Variants in WIPI2 observed in about 807,000 individuals in gnomAD.
WIPI2 encodes WD repeat domain, phosphoinositide interacting 2, also known as WD repeat domain phosphoinositide-interacting protein 2.
Under a neutral mutation model 52.3 loss-of-function variants are expected in WIPI2, and 28 were observed. The observed-to-expected ratio is 0.54, with a 90% CI of 0.40 to 0.73. WIPI2 has a LOEUF of 0.73. WIPI2 is among the 30% of genes least tolerant of loss of function. The pLI is 0.00. For missense variants in WIPI2, 506 were observed against 602.9 expected (o/e 0.84, Z 1.68); for synonymous variants, 268 against 245.0 (o/e 1.09, Z -0.88).
At chr7:5,193,547 T>G (rs1162553798) in intron 2 of WIPI2, among the ~76,000 whole-genome samples, 1 of 152,218 alleles carries the variant, frequency 6.6e-6, no homozygotes, top group Non-Finnish European at 1.5e-5. Flanking sequence ...CTCTCCTCTC[T>G]TTGTTCATCT....
intron 2 of WIPI2, among the ~76,000 whole-genome samples, chr7:5,195,022 C>G (rs1781675880): frequency 6.6e-6 from 1 of 152,136 alleles, no homozygotes; most frequent in South Asian, 2.1e-4. Context: ...AGCAGTGACT[C>G]TGTCCTTCCC....
intron 2 of WIPI2, among the ~76,000 whole-genome samples, chr7:5,196,697 G>T (rs925630118): frequency 7.2e-5 from 11 of 152,144 alleles, no homozygotes; most frequent in Non-Finnish European, 1.5e-4. Flanking sequence ...AATAAGCTTG[G>T]TGATTTGGTT....
chr7:5,202,658 T>G (rs1782086310), intron 3 of WIPI2, among the ~76,000 whole-genome samples: 1 of 152,218 alleles, frequency 6.6e-6, no homozygotes, highest in South Asian at 2.1e-4. Context: ...AGTGCTGGGA[T>G]TATAGGCGTG....
chr7:5,219,916 A>G (rs1162427704), intron 7 of WIPI2, among the ~76,000 whole-genome samples: 2 of 149,790 alleles, frequency 1.3e-5, no homozygotes, highest in Non-Finnish European at 3.0e-5. Flanking sequence ...GCTCTATGCA[A>G]CCTCCATCTC....
At chr7:5,225,102 T>C (rs1272655776) in intron 8 of WIPI2, among the ~76,000 whole-genome samples, 1 of 151,834 alleles carries the variant, frequency 6.6e-6, no homozygotes, top group Admixed American at 6.6e-5. Context: ...TAAGACACAC[T>C]GGAGCCACTT....
chr7:5,199,731 A>G (rs746855535), intron 3 of WIPI2, 73 bp downstream of exon 3: 13 of 1,416,638 alleles, frequency 9.2e-6, no homozygotes, highest in Non-Finnish European at 1.3e-5. Flanking sequence ...AATGCGATCT[A>G]AAATTCAGAC....
intron 8 of WIPI2, 65 bp downstream of exon 8, chr7:5,222,737 C>T: frequency 6.7e-7 from 1 of 1,485,168 alleles, no homozygotes; most frequent in Non-Finnish European, 9.4e-7. Flanking sequence ...TTTATGTTAT[C>T]TATGAACAAA....
chr7:5,205,592 C>T (rs1282769713), intron 3 of WIPI2, among the ~76,000 whole-genome samples: 1 of 152,162 alleles, frequency 6.6e-6, no homozygotes, highest in Non-Finnish European at 1.5e-5. Flanking sequence ...GCAACCTCCA[C>T]CTCCCGAGTT....
intron 11 of WIPI2, among the ~76,000 whole-genome samples, chr7:5,228,915 G>T (rs1261112429): frequency 6.6e-6 from 1 of 151,886 alleles, no homozygotes; most frequent in East Asian, 1.9e-4. Context: ...GCAGGGTCTT[G>T]CTAGGTTGTC....
chr7:5,220,822 GTC>G (rs1339330033), intron 7 of WIPI2, among the ~76,000 whole-genome samples: 2 of 151,602 alleles, frequency 1.3e-5, no homozygotes, highest in African/African-American at 4.9e-5. Flanking sequence ...TTGAGACAGA[GTC>G]TCTCTGTAGC....
chr7:5,200,498 C>T (rs1019550118), intron 3 of WIPI2, among the ~76,000 whole-genome samples: 1 of 152,138 alleles, frequency 6.6e-6, no homozygotes, highest in African/African-American at 2.4e-5. Context: ...CTCCTGAGCA[C>T]ACTCTCCAGT....
At chr7:5,204,639 G>A (rs145017274) in intron 3 of WIPI2, among the ~76,000 whole-genome samples, 47 of 152,200 alleles carry the variant, frequency 3.1e-4, no homozygotes, top group African/African-American at 1.1e-3. Flanking sequence ...AGAACTTAAT[G>A]TCACTGCGAA....
Position 5,214,260 on chromosome 7 carries a change from A to C in WIPI2, c.212-275A>C. 2.1e-6 allele frequency: 3 copies of C among 1,398,904 alleles called. No individual in the cohort carries two copies. In the South Asian group the frequency reaches 4.3e-5, roughly 20 times the overall value. The allele number at this position is 1,398,904 out of a possible 1,614,324, so 86.7% of individuals were successfully genotyped here. On this transcript the variant is annotated intron_variant, in intron 3 of 12. Transcript: ENST00000288828. The stretch of plus-strand genomic sequence containing the variant: ...GTTTGGTTCCTAAACTCACCATTCA[A>C]ATCCAGCAACAGAACTGACTGAAAG...
rs983995467 is a variant in WIPI2, at chr7:5,232,447, A to G, written c.*1500A>G. 8 of 397,598 alleles carry G rather than the reference A, an allele frequency of 2.0e-5. No individual in the cohort carries two copies. Among genetic ancestry groups the G allele is most frequent in the South Asian group, 2.8e-4 (2 of 7,068 alleles). The allele number at this position is 397,598 out of a possible 1,614,324, so 24.6% of individuals were successfully genotyped here. ...TTCCTCCCAGCCGCTGGTGTGCGGCACACACAACATCTGCATTAGGCAGAG... is the reference window on the plus strand; with the variant it reads ...TTCCTCCCAGCCGCTGGTGTGCGGCGCACACAACATCTGCATTAGGCAGAG... On this transcript the variant is annotated 3_prime_UTR_variant, in exon 13 of 13. Coordinates refer to ENST00000288828, the MANE Select transcript of WIPI2 (RefSeq NM_015610.4).
At chr7:5,203,352 GAC>G (rs1158933103) in intron 3 of WIPI2, among the ~76,000 whole-genome samples, 1 of 152,174 alleles carries the variant, frequency 6.6e-6, no homozygotes, top group Non-Finnish European at 1.5e-5. Flanking sequence ...CGGAGCCGCA[GAC>G]ACACACGGAA....
intron 2 of WIPI2, 44 bp from the exon 3 acceptor site, chr7:5,199,528 ACTGT>A: frequency 6.5e-7 from 1 of 1,542,262 alleles, no homozygotes; most frequent in South Asian, 1.2e-5. Flanking sequence ...CTACATTGTC[ACTGT>A]CTGCACGTAT....
intron 2 of WIPI2, among the ~76,000 whole-genome samples, chr7:5,194,446 T>C (rs13244317): frequency 0.14 from 21,950 of 152,186 alleles, 1,703 homozygotes; most frequent in East Asian, 0.3. Flanking sequence ...AAAATCTGAC[T>C]CACATCTTCA....
intron 7 of WIPI2, 111 bp downstream of exon 7, chr7:5,218,125 G>A: frequency 1.7e-6 from 2 of 1,160,522 alleles, no homozygotes; most frequent in East Asian, 2.4e-5. Flanking sequence ...CCAGCTCCGG[G>A]AGAAGCAAAG....
intron 2 of WIPI2, chr7:5,193,482 G>A (rs1025815303): frequency 1.9e-6 from 1 of 520,250 alleles, no homozygotes; most frequent in African/African-American, 2.0e-5. Context: ...GAAACCTGTT[G>A]TTTTCTTCCA....
Sources: allele counts gnomAD v4.1 joint callset (sites outside exome capture counted in the v4.1 genomes callset), GRCh38; gene constraint gnomAD v4.1.1; transcripts MANE v1.5; gene names NCBI Gene and HGNC (gene_info 2026-07-23, HGNC 2026-07-21).